Variants in ADCY2 observed in about 807,000 individuals in gnomAD.
The protein encoded by ADCY2 is adenylate cyclase 2, also known as adenylate cyclase type 2.
Under a neutral mutation model 125.2 loss-of-function variants are expected in ADCY2, and 31 were observed. That is an observed-to-expected ratio of 0.25 (90% CI 0.19 to 0.33). ADCY2 has a LOEUF of 0.33. Among genes scored for constraint, ADCY2 ranks in the 10% least tolerant of loss-of-function variants. The pLI is 1.00. For synonymous variants in ADCY2, 512 were observed against 548.4 expected (o/e 0.93, Z 0.93); for missense variants, 904 against 1,418.2 (o/e 0.64, Z 5.82).
intron 16 of ADCY2, among the ~76,000 whole-genome samples, chr5:7,765,969 AAG>A (rs2126472717): frequency 6.6e-6 from 1 of 152,214 alleles, no homozygotes. Context: ...GAGAGAGAAA[AAG>A]AGAGATACAC....
At chr5:7,728,256 C>T (rs888489402) in intron 14 of ADCY2, among the ~76,000 whole-genome samples, 3 of 152,108 alleles carry the variant, frequency 2.0e-5, no homozygotes, top group South Asian at 2.1e-4. Context: ...TCTGTTTCTC[C>T]GCCTCTGTAC....
chr5:7,473,399 A>G (rs957074683), intron 2 of ADCY2, among the ~76,000 whole-genome samples: 7 of 151,996 alleles, frequency 4.6e-5, no homozygotes, highest in African/African-American at 1.7e-4. Flanking sequence ...TCTTTTGAAC[A>G]AGTAGCTGTG....
intron 13 of ADCY2, 69 bp downstream of exon 13, chr5:7,724,683 G>A: frequency 8.4e-7 from 1 of 1,195,868 alleles, no homozygotes; most frequent in Non-Finnish European, 1.2e-6. Flanking sequence ...ATGAAATTGT[G>A]CTCATGTTTT....
intron 3 of ADCY2, among the ~76,000 whole-genome samples, chr5:7,538,842 CT>C (rs1197791506): frequency 7.3e-6 from 1 of 137,912 alleles, no homozygotes; most frequent in African/African-American, 2.5e-5. Context: ...TTTCTTTTTT[CT>C]TTTTTTCTTT....
chr5:7,631,280 T>C (rs1738301690), intron 4 of ADCY2, among the ~76,000 whole-genome samples: 1 of 152,200 alleles, frequency 6.6e-6, no homozygotes, highest in Non-Finnish European at 1.5e-5. Context: ...CCTAACATAG[T>C]CCCAGATTCC....
intron 22 of ADCY2, among the ~76,000 whole-genome samples, chr5:7,810,438 TTA>T (rs1451241032): frequency 6.6e-6 from 1 of 152,010 alleles, no homozygotes; most frequent in African/African-American, 2.4e-5. Flanking sequence ...GATGGGTGGG[TTA>T]TCTACCTAGT....
At chr5:7,750,277 G>C (rs1210750000) in intron 15 of ADCY2, among the ~76,000 whole-genome samples, 2 of 151,584 alleles carry the variant, frequency 1.3e-5, no homozygotes, top group Non-Finnish European at 2.9e-5. Context: ...TGTTTTTTCA[G>C]TTATTACCTT....
chr5:7,679,996 C>G (rs1740275730), intron 4 of ADCY2, among the ~76,000 whole-genome samples: 1 of 151,992 alleles, frequency 6.6e-6, no homozygotes, highest in African/African-American at 2.4e-5. Flanking sequence ...TCTGGAATGA[C>G]AGGGGCAAGA....
intron 3 of ADCY2, among the ~76,000 whole-genome samples, chr5:7,539,487 A>G (rs1459077617): frequency 6.6e-6 from 1 of 152,238 alleles, no homozygotes; most frequent in Non-Finnish European, 1.5e-5. Context: ...TGTTCACTAA[A>G]TAATTAGCCA....
chr5:7,664,935 A>G (rs978043545), intron 4 of ADCY2, among the ~76,000 whole-genome samples: 2 of 152,102 alleles, frequency 1.3e-5, no homozygotes, highest in Non-Finnish European at 2.9e-5. Context: ...ACTCAAACCA[A>G]TTGTCAACCA....
At chr5:7,406,420 C>T (rs1319071474) in intron 1 of ADCY2, among the ~76,000 whole-genome samples, 1 of 152,136 alleles carries the variant, frequency 6.6e-6, no homozygotes, top group Non-Finnish European at 1.5e-5. Context: ...CACAGTAAAC[C>T]CTTCTGCTCT....
chr5:7,712,711 C>T, intron 10 of ADCY2, 145 bp from the exon 11 acceptor site: 1 of 642,036 alleles, frequency 1.6e-6, no homozygotes, highest in African/African-American at 1.9e-5. Context: ...GGATTAAGCT[C>T]TTTTTCTCCA....
chr5:7,595,810 T>C (rs1480791510), intron 3 of ADCY2, among the ~76,000 whole-genome samples: 1 of 152,154 alleles, frequency 6.6e-6, no homozygotes, highest in African/African-American at 2.4e-5. Flanking sequence ...TCGAATACAA[T>C]GTAAATGCCA....
intron 14 of ADCY2, among the ~76,000 whole-genome samples, chr5:7,743,094 CA>C (rs1742488360): frequency 6.6e-6 from 1 of 152,232 alleles, no homozygotes; most frequent in East Asian, 1.9e-4. Context: ...ATGTTTTTCA[CA>C]TGATCATGGG....
Position 7,501,363 on chromosome 5 carries a change from A to G in ADCY2, c.409-19375A>G, listed in dbSNP as rs147322692. ...GCAGAAGGATTTCTAAAGATTAACAACCTTGAGGCATAAGATGGTGTCATT... is the reference window on the plus strand; with the variant it reads ...GCAGAAGGATTTCTAAAGATTAACAGCCTTGAGGCATAAGATGGTGTCATT... On this transcript the variant is annotated intron_variant, in intron 2 of 24. Transcript: ENST00000338316. 5.0e-3 allele frequency among the ~76,000 whole-genome samples: 763 copies of G among 152,262 alleles called. 11 individuals are homozygous for G. Among genetic ancestry groups the G allele is most frequent in the African/African-American group, 0.018 (733 of 41,548 alleles).
chr5:7,578,526 A>G (rs964767446), intron 3 of ADCY2, among the ~76,000 whole-genome samples: 1 of 151,928 alleles, frequency 6.6e-6, no homozygotes, highest in African/African-American at 2.4e-5. Context: ...TTGTTGATGT[A>G]TTTTGCATTT....
intron 10 of ADCY2, among the ~76,000 whole-genome samples, chr5:7,711,592 T>C (rs1449966642): frequency 6.6e-6 from 1 of 152,166 alleles, no homozygotes; most frequent in South Asian, 2.1e-4. Flanking sequence ...GACTTAAGAG[T>C]GACTGTCTCT....
rs57193249 is a variant in ADCY2 at position 7,804,040 on chromosome 5, AAGAGAGAGAGAG to A, written c.2776-522_2776-511del. ...TCTTAGGCCTCCCATGGAGGGGGGA[AAGAGAGAGAGAG>A]AGAGAGAGAGAGAGAGAGAGAGCTG... On this transcript the variant is annotated intron_variant, in intron 21 of 24. Transcript: ENST00000338316. Among the ~76,000 whole-genome samples, 14 of 106,612 alleles carry A rather than the reference AAGAGAGAGAGAG, an allele frequency of 1.3e-4. No homozygotes were observed. The Middle Eastern group carries it at 0.029, about 221-fold the overall frequency. 69.9% of individuals were successfully genotyped at this position (106,612 alleles called of 152,430 possible).
intron 3 of ADCY2, among the ~76,000 whole-genome samples, chr5:7,541,886 C>A (rs562060667): frequency 6.6e-6 from 1 of 152,312 alleles, no homozygotes; most frequent in African/African-American, 2.4e-5. Context: ...GAGCCTCTAT[C>A]ATAATGTTGT....
Sources: allele counts gnomAD v4.1 joint callset (sites outside exome capture counted in the v4.1 genomes callset), GRCh38; gene constraint gnomAD v4.1.1; transcripts MANE v1.5; gene names NCBI Gene and HGNC (gene_info 2026-07-23, HGNC 2026-07-21).